ATF6: variants seen among roughly 807,000 people sequenced by gnomAD.
ATF6 encodes cyclic AMP-dependent transcription factor ATF-6 alpha.
ATF6 carries 53 observed loss-of-function variants against 83.6 expected under a neutral mutation model. The observed-to-expected ratio is 0.63, with a 90% CI of 0.51 to 0.80. The LOEUF is 0.80. ATF6 is among the 30% of genes least tolerant of loss of function. The pLI is 0.00. For missense variants in ATF6, 744 were observed against 797.9 expected (o/e 0.93, Z 0.81); for synonymous variants, 288 against 285.8 (o/e 1.01, Z -0.08).
At chr1:161,806,968 T>G (rs1685298445) in intron 7 of ATF6, among the ~76,000 whole-genome samples, 1 of 152,144 alleles carries the variant, frequency 6.6e-6, no homozygotes, top group Non-Finnish European at 1.5e-5. Flanking sequence ...CACACAGTGT[T>G]CCTCTCTTGC....
chr1:161,841,373 T>C (rs1053271184), intron 9 of ATF6, among the ~76,000 whole-genome samples: 32 of 152,334 alleles, frequency 2.1e-4, no homozygotes, highest in African/African-American at 7.2e-4. Context: ...TTAAATGTTT[T>C]TTTAGCTGAA....
At chr1:161,768,290 T>C (rs1217623091) in intron 1 of ATF6, among the ~76,000 whole-genome samples, 1 of 152,248 alleles carries the variant, frequency 6.6e-6, no homozygotes, top group South Asian at 2.1e-4. Context: ...CATTCAGTTC[T>C]TTGTAGTCAG....
chr1:161,898,667 C>T (rs900990617), intron 14 of ATF6, among the ~76,000 whole-genome samples: 6 of 152,016 alleles, frequency 3.9e-5, no homozygotes, highest in African/African-American at 1.2e-4. Context: ...CCTGCCTTAG[C>T]CTCCCAAGTA....
rs928790752 is a variant in ATF6, at chr1:161,785,589, C to G, written c.354+1493C>G. Among the ~76,000 whole-genome samples the G allele has an allele frequency of 2.6e-5, 4 of 152,132 alleles. No homozygotes were observed. In the East Asian group the frequency reaches 7.7e-4, roughly 29 times the overall value. ...GATGAGTATTTGTGTTGTTTTTAGTCTTTTCCAGACCCAATTAACCTGTAC... is the reference window on the plus strand; with the variant it reads ...GATGAGTATTTGTGTTGTTTTTAGTGTTTTCCAGACCCAATTAACCTGTAC... On this transcript the variant is annotated intron_variant, in intron 4 of 15. Coordinates refer to ENST00000367942, the MANE Select transcript of ATF6 (RefSeq NM_007348.4).
Position 161,821,067 on chromosome 1 carries a change from T to C in ATF6, c.1096-3T>C. On this transcript the variant is annotated splice_polypyrimidine_tract_variant and splice_region_variant and intron_variant, in intron 8 of 15. Transcript: ENST00000367942. Reference sequence around the variant, plus strand: ...TTGTATTTAATGTGGTCATTTCCTTTAGAACCAGAGGCTTAAAGTCCCTAG... The same window carrying C: ...TTGTATTTAATGTGGTCATTTCCTTCAGAACCAGAGGCTTAAAGTCCCTAG... 6.3e-7 allele frequency: 1 copy of C among 1,599,206 alleles called. No homozygotes were observed. Among genetic ancestry groups the C allele is most frequent in the Non-Finnish European group, 8.5e-7 (1 of 1,172,084 alleles).
intron 9 of ATF6, among the ~76,000 whole-genome samples, chr1:161,826,030 A>G (rs1685887392): frequency 6.6e-6 from 1 of 152,226 alleles, no homozygotes; most frequent in Non-Finnish European, 1.5e-5. Flanking sequence ...GCTCTGTGAC[A>G]GGAACCAGAA....
intron 15 of ATF6, among the ~76,000 whole-genome samples, chr1:161,939,636 A>G (rs942553269): frequency 1.3e-5 from 2 of 152,210 alleles, no homozygotes; most frequent in African/African-American, 2.4e-5. Flanking sequence ...TGTTCTCAAC[A>G]TGCTGTCTCC....
chr1:161,772,608 G>A (rs1684414884), intron 1 of ATF6, among the ~76,000 whole-genome samples: 1 of 151,964 alleles, frequency 6.6e-6, no homozygotes, highest in African/African-American at 2.4e-5. Context: ...GATTCTTCCT[G>A]TTTTGTTCAA....
At chr1:161,795,363 G>A (rs143690572) in intron 6 of ATF6, among the ~76,000 whole-genome samples, 35 of 152,248 alleles carry the variant, frequency 2.3e-4, no homozygotes, top group Non-Finnish European at 4.7e-4. Context: ...AAGTGCTTAA[G>A]TGCATTATCT....
chr1:161,901,367 A>G (rs149180054), intron 14 of ATF6, among the ~76,000 whole-genome samples: 4 of 152,140 alleles, frequency 2.6e-5, no homozygotes, highest in East Asian at 1.9e-4. Context: ...AATGTGCTCA[A>G]TATCATTAGC....
At chr1:161,847,583 G>A (rs1428159530) in intron 10 of ATF6, among the ~76,000 whole-genome samples, 2 of 152,060 alleles carry the variant, frequency 1.3e-5, no homozygotes, top group Non-Finnish European at 2.9e-5. Flanking sequence ...TTTTTTACAT[G>A]CCAAAATTCA....
intron 1 of ATF6, among the ~76,000 whole-genome samples, chr1:161,770,386 A>G (rs541172022): frequency 6.6e-6 from 1 of 152,318 alleles, no homozygotes; most frequent in Admixed American, 6.5e-5. Flanking sequence ...TGCGTGGTTT[A>G]AACAATGGAA....
intron 15 of ATF6, among the ~76,000 whole-genome samples, chr1:161,955,333 T>C (rs1399968506): frequency 7.9e-5 from 12 of 152,204 alleles, no homozygotes; most frequent in Admixed American, 7.9e-4. Context: ...TAGGCAACGA[T>C]TGAAGGTGGC....
chr1:161,805,568 A>C (rs1410556367), intron 7 of ATF6, among the ~76,000 whole-genome samples: 1 of 152,260 alleles, frequency 6.6e-6, no homozygotes, highest in East Asian at 1.9e-4. Flanking sequence ...CAACCCACTC[A>C]GGAACCCAAA....
At chr1:161,932,396 A>C (rs1558031014) in intron 15 of ATF6, among the ~76,000 whole-genome samples, 1 of 152,172 alleles carries the variant, frequency 6.6e-6, no homozygotes, top group Non-Finnish European at 1.5e-5. Context: ...GAACCAAGAA[A>C]TTTGATTTGA....
chr1:161,821,995 T>G (rs1685775912), intron 9 of ATF6, among the ~76,000 whole-genome samples: 2 of 152,114 alleles, frequency 1.3e-5, no homozygotes, highest in South Asian at 4.1e-4. Flanking sequence ...AGAGGGAAGT[T>G]AAGGATAATT....
intron 7 of ATF6, among the ~76,000 whole-genome samples, chr1:161,818,994 G>A (rs1383209874): frequency 1.3e-5 from 2 of 152,142 alleles, no homozygotes; most frequent in Non-Finnish European, 2.9e-5. Flanking sequence ...GCCTGTATTA[G>A]GAGAGTGGAA....
chr1:161,769,705 G>T (rs1176076350), intron 1 of ATF6, among the ~76,000 whole-genome samples: 1 of 152,002 alleles, frequency 6.6e-6, no homozygotes, highest in Non-Finnish European at 1.5e-5. Context: ...TCATCTGGGG[G>T]TGATGGGAGA....
chr1:161,767,331 C>CT (rs1285876160), intron 1 of ATF6, among the ~76,000 whole-genome samples: 4 of 152,316 alleles, frequency 2.6e-5, no homozygotes, highest in African/African-American at 9.6e-5. Context: ...GGAATCTCAA[C>CT]TTTTTATTGA....
Sources: gnomAD v4.1 joint callset for allele counts (sites outside exome capture counted in the v4.1 genomes callset) on GRCh38, gnomAD v4.1.1 for gene constraint, MANE v1.5 for transcripts, NCBI Gene and HGNC (gene_info 2026-07-23, HGNC 2026-07-21) for gene names.